Variants in FAM227B observed in about 807,000 individuals in gnomAD.
FAM227B encodes protein FAM227B.
Under a neutral mutation model 73.8 loss-of-function variants are expected in FAM227B, and 88 were observed. That is an observed-to-expected ratio of 1.19 (90% confidence interval 1.00 to 1.42). The LOEUF (loss-of-function observed/expected upper bound fraction) is 1.42. FAM227B is among the 40% of genes most tolerant of loss of function. The pLI is 0.00. For synonymous variants in FAM227B, 210 were observed against 190.5 expected (o/e 1.10, Z -0.84); for missense variants, 632 against 590.9 (o/e 1.07, Z -0.72).
chr15:49,496,509 A>G (rs1327367961), intron 11 of FAM227B, among the ~76,000 whole-genome samples: 2 of 152,222 alleles, frequency 1.3e-5, no homozygotes, highest in Non-Finnish European at 2.9e-5. Flanking sequence ...ACTGCTTAAG[A>G]GGAGCTGGCT....
intron 11 of FAM227B, among the ~76,000 whole-genome samples, chr15:49,499,153 G>A (rs1392526839): frequency 1.2e-4 from 12 of 103,996 alleles, no homozygotes; most frequent in South Asian, 3.5e-4. Context: ...GCGACAGAGC[G>A]AGACTCCGTC....
At chr15:49,423,874 G>T (rs766618338) in intron 11 of FAM227B, among the ~76,000 whole-genome samples, 4 of 152,122 alleles carry the variant, frequency 2.6e-5, no homozygotes, top group Non-Finnish European at 5.9e-5. Context: ...AAGTGGTAAA[G>T]ATTTTGACAT....
rs1179134504 is a variant in FAM227B at position 49,401,705 on chromosome 15, C to G, written c.1013-30306G>C. ...GATGAGTTCATGTCCTTTGTAGGGA[C>G]ATGGATGAAATTGGAAATCATCATT... On this transcript the variant is annotated intron_variant, in intron 11 of 15. Coordinates refer to ENST00000299338, the MANE Select transcript of FAM227B (RefSeq NM_152647.3). 2.2e-5 allele frequency among the ~76,000 whole-genome samples: 3 copies of G among 133,686 alleles called. No individual in the cohort carries two copies. In the East Asian group the frequency reaches 6.3e-4, roughly 28 times the overall value. 87.7% of individuals were successfully genotyped at this position (133,686 alleles called of 152,430 possible). A position where few individuals can be genotyped will look rare whatever the true frequency, so the allele number is the denominator to read the frequency against.
rs559719143 is a variant in FAM227B, at chr15:49,424,671, C to T, written c.1013-53272G>A. ...GATATGTTTTCTCATCTTCCTTTTGCTTCTTGGAAAAAAAATTAAATAAAA... is the reference window on the plus strand; with the variant it reads ...GATATGTTTTCTCATCTTCCTTTTGTTTCTTGGAAAAAAAATTAAATAAAA... On this transcript the variant is annotated intron_variant, in intron 11 of 15. Coordinates refer to ENST00000299338, the MANE Select transcript of FAM227B (RefSeq NM_152647.3). 83 of 1,062,278 alleles carry T rather than the reference C, an allele frequency of 7.8e-5. No homozygotes were observed. In the South Asian group the frequency reaches 1.4e-3, roughly 18 times the overall value. 65.8% of individuals were successfully genotyped at this position (1,062,278 alleles called of 1,614,324 possible).
At chr15:49,536,072 C>CAAAAAAAAAAAAA (rs59203003) in intron 10 of FAM227B, among the ~76,000 whole-genome samples, 1 of 114,010 alleles carries the variant, frequency 8.8e-6, no homozygotes, top group Non-Finnish European at 1.8e-5. Flanking sequence ...GGCAATCAGA[C>CAAAAAAAAAAAAA]AAAAAAAAAA....
At chr15:49,395,529 A>G (rs565037142) in intron 11 of FAM227B, among the ~76,000 whole-genome samples, 1 of 152,216 alleles carries the variant, frequency 6.6e-6, no homozygotes, top group South Asian at 2.1e-4. Context: ...GGGTTAGCAT[A>G]GGCAGAAGTA....
At chr15:49,535,138 A>C (rs1269634841) in intron 10 of FAM227B, among the ~76,000 whole-genome samples, 1 of 151,816 alleles carries the variant, frequency 6.6e-6, no homozygotes, top group Non-Finnish European at 1.5e-5. Context: ...AAAATCAATA[A>C]AACTAAGAGT....
chr15:49,420,866 C>T (rs942245127), intron 11 of FAM227B, among the ~76,000 whole-genome samples: 1 of 151,972 alleles, frequency 6.6e-6, no homozygotes, highest in African/African-American at 2.4e-5. Flanking sequence ...CTACCATGCC[C>T]GGCTAATTTT....
At chr15:49,583,292 A>C (rs935530383) in intron 5 of FAM227B, among the ~76,000 whole-genome samples, 1 of 152,114 alleles carries the variant, frequency 6.6e-6, no homozygotes, top group Non-Finnish European at 1.5e-5. Flanking sequence ...AGAAATGATA[A>C]GGGAATAGGA....
chr15:49,591,484 C>CTTTTTTTTTT (rs71120696), intron 3 of FAM227B, among the ~76,000 whole-genome samples: 2 of 55,350 alleles, frequency 3.6e-5, no homozygotes, highest in African/African-American at 6.8e-5. Context: ...CCCTTCCTTC[C>CTTTTTTTTTT]TTTTTTTTTT....
intron 11 of FAM227B, among the ~76,000 whole-genome samples, chr15:49,478,349 T>C (rs1257155095): frequency 2.0e-5 from 3 of 152,048 alleles, no homozygotes; most frequent in African/African-American, 7.2e-5. Context: ...TTTTTTCTTA[T>C]TGTTGTGTTT....
rs1197091289 is a variant in FAM227B, at chr15:49,489,803, T to TTA, written c.1012+18406_1012+18407dup. Among the ~76,000 whole-genome samples, 13 of 57,314 alleles carry TTA rather than the reference T, an allele frequency of 2.3e-4. 2 individuals carry two copies. The highest frequency in any genetic ancestry group is 4.4e-4 in the African/African-American group (8 of 18,108). The allele number at this position is 57,314 out of a possible 152,430, so 37.6% of individuals were successfully genotyped here. ...AGAACAGGAGATATATATATATATT[T>TTA]TATATATATATATATATTTTATATA... On this transcript the variant is annotated intron_variant, in intron 11 of 15. Coordinates refer to ENST00000299338, the MANE Select transcript of FAM227B (RefSeq NM_152647.3).
At chr15:49,492,186 A>G (rs1052823711) in intron 11 of FAM227B, among the ~76,000 whole-genome samples, 1 of 151,924 alleles carries the variant, frequency 6.6e-6, no homozygotes, top group Non-Finnish European at 1.5e-5. Context: ...TCTGTCAGTC[A>G]CAGGTTTGAA....
chr15:49,588,761 T>C (rs2076348551), intron 4 of FAM227B, among the ~76,000 whole-genome samples: 1 of 150,822 alleles, frequency 6.6e-6, no homozygotes, highest in Non-Finnish European at 1.5e-5. Context: ...TGTGTATTTA[T>C]ATATACATAC....
intron 9 of FAM227B, among the ~76,000 whole-genome samples, chr15:49,548,928 T>A (rs1188523557): frequency 6.6e-6 from 1 of 152,214 alleles, no homozygotes; most frequent in Non-Finnish European, 1.5e-5. Flanking sequence ...GATTTGTCAA[T>A]TTTTTCTAAC....
chr15:49,364,627 C>T (rs2044808084), intron 13 of FAM227B, among the ~76,000 whole-genome samples: 1 of 151,930 alleles, frequency 6.6e-6, no homozygotes, highest in Non-Finnish European at 1.5e-5. Flanking sequence ...ACATTTATTC[C>T]AAAATTTTAT....
chr15:49,548,426 T>G (rs992415793), intron 9 of FAM227B, among the ~76,000 whole-genome samples: 1 of 152,338 alleles, frequency 6.6e-6, no homozygotes, highest in South Asian at 2.1e-4. Flanking sequence ...GTTTGTAGTA[T>G]CTTGTTGAGG....
chr15:49,515,586 G>A (rs1271751395), intron 10 of FAM227B, among the ~76,000 whole-genome samples: 4 of 152,024 alleles, frequency 2.6e-5, no homozygotes, highest in Admixed American at 6.6e-5. Flanking sequence ...TAGTTTTAAC[G>A]CCTGAAAATG....
intron 5 of FAM227B, among the ~76,000 whole-genome samples, chr15:49,584,709 C>A (rs968032735): frequency 1.3e-5 from 2 of 152,044 alleles, no homozygotes; most frequent in African/African-American, 2.4e-5. Context: ...TCCTATATAC[C>A]AACAACACTC....
Sources: allele counts gnomAD v4.1 joint callset (sites outside exome capture counted in the v4.1 genomes callset), GRCh38; gene constraint gnomAD v4.1.1; transcripts MANE v1.5; gene names NCBI Gene and HGNC (gene_info 2026-07-23, HGNC 2026-07-21).